The following GLCCI1 variants were observed in gnomAD, a reference collection of about 807,000 sequenced individuals.
GLCCI1 encodes glucocorticoid induced 1.
GLCCI1 carries 24 observed loss-of-function variants against 52.2 expected under a neutral mutation model. That is an observed-to-expected ratio of 0.46 (90% CI 0.33 to 0.65). GLCCI1 has a LOEUF of 0.65. Among genes scored for constraint, GLCCI1 ranks in the 30% least tolerant of loss-of-function variants. The probability of loss-of-function intolerance (pLI) is 0.02; values close to 1 mark genes in which losing one functional copy is unlikely to be tolerated. For missense variants in GLCCI1, 704 were observed against 701.5 expected (o/e 1.00, Z -0.04); for synonymous variants, 310 against 276.5 (o/e 1.12, Z -1.20).
intron 6 of GLCCI1, among the ~76,000 whole-genome samples, chr7:8,082,350 A>G (rs1229930560): frequency 6.6e-6 from 1 of 152,144 alleles, no homozygotes; most frequent in Non-Finnish European, 1.5e-5. Context: ...GAGTTCATGA[A>G]TGGCAATTCC....
At chr7:8,070,643 G>A (rs767025723) in intron 5 of GLCCI1, 15 of 268,642 alleles carry the variant, frequency 5.6e-5, no homozygotes, top group South Asian at 3.6e-4. Flanking sequence ...CAGGACTCCC[G>A]CTGTCCTTGA....
chr7:7,969,256 T>G lies in GLCCI1; in HGVS notation c.-95T>G. On this transcript the variant is annotated 5_prime_UTR_variant, in exon 1 of 8. Coordinates refer to ENST00000223145, the MANE Select transcript of GLCCI1 (RefSeq NM_138426.4). This position sits in a 1 kb window ranked among gnomAD's most constrained non-coding sequence, Gnocchi z 4.9. Reference sequence around the variant, plus strand: ...ACCCCCGCCCCTCCCCCTTACACACTCGCACGCACTATCGCGCCGGCTCCC... The same window carrying G: ...ACCCCCGCCCCTCCCCCTTACACACGCGCACGCACTATCGCGCCGGCTCCC... 1 of 608,686 alleles carries G rather than the reference T, an allele frequency of 1.6e-6. No homozygotes were observed. Among genetic ancestry groups the G allele is most frequent in the Non-Finnish European group, 2.1e-6 (1 of 477,720 alleles). The allele number at this position is 608,686 out of a possible 1,614,324, so 37.7% of individuals were successfully genotyped here. A position where few individuals can be genotyped will look rare whatever the true frequency, so the allele number is the denominator to read the frequency against.
chr7:8,036,172 G>A (rs1359254818), intron 3 of GLCCI1, among the ~76,000 whole-genome samples: 1 of 152,148 alleles, frequency 6.6e-6, no homozygotes, highest in African/African-American at 2.4e-5. Context: ...CACAGTTCTG[G>A]GGAATGAGAT....
At chr7:7,977,280 G>C (rs1780511284) in intron 1 of GLCCI1, among the ~76,000 whole-genome samples, 1 of 152,134 alleles carries the variant, frequency 6.6e-6, no homozygotes, top group East Asian at 1.9e-4. Context: ...GATTACTATA[G>C]ATGATATTGA....
intron 3 of GLCCI1, among the ~76,000 whole-genome samples, chr7:8,043,874 A>G (rs1782058870): frequency 6.6e-6 from 1 of 152,128 alleles, no homozygotes; most frequent in South Asian, 2.1e-4. Context: ...TAGGAAGAAT[A>G]GTTGTAATAG....
chr7:7,991,573 C>T (rs747130637), intron 1 of GLCCI1, among the ~76,000 whole-genome samples: 2 of 151,964 alleles, frequency 1.3e-5, no homozygotes, highest in Non-Finnish European at 2.9e-5. Context: ...TTTAGGGATG[C>T]TTTGTTCTTT....
chr7:8,018,711 T>C (rs1583976008), intron 2 of GLCCI1, among the ~76,000 whole-genome samples: 1 of 152,254 alleles, frequency 6.6e-6, no homozygotes, highest in Non-Finnish European at 1.5e-5. Flanking sequence ...TCCAACTACC[T>C]TTTTTGTTAA....
chr7:8,081,914 C>A (rs1783002535), intron 6 of GLCCI1, among the ~76,000 whole-genome samples: 1 of 152,058 alleles, frequency 6.6e-6, no homozygotes, highest in South Asian at 2.1e-4. Context: ...TAACTATATT[C>A]ACTGCATTTA....
chr7:8,006,360 A>G (rs898786676), intron 2 of GLCCI1, among the ~76,000 whole-genome samples: 2 of 152,282 alleles, frequency 1.3e-5, no homozygotes, highest in Middle Eastern at 3.4e-3. Flanking sequence ...AGACCCTACT[A>G]TTTGAGAGTT....
intron 2 of GLCCI1, among the ~76,000 whole-genome samples, chr7:8,014,206 G>C (rs1206899550): frequency 6.6e-6 from 1 of 152,066 alleles, no homozygotes; most frequent in Non-Finnish European, 1.5e-5. Context: ...GGTCAGGCTG[G>C]TCTCAAATTC....
At chr7:8,076,409 A>G (rs1035485435) in intron 6 of GLCCI1, among the ~76,000 whole-genome samples, 11 of 152,182 alleles carry the variant, frequency 7.2e-5, no homozygotes, top group African/African-American at 1.9e-4. Context: ...GAGTTAGTCT[A>G]TAGGTTAAAA....
chr7:8,020,660 T>TAAA (rs1466928568), intron 2 of GLCCI1, among the ~76,000 whole-genome samples: 18 of 152,200 alleles, frequency 1.2e-4, no homozygotes, highest in Non-Finnish European at 2.4e-4. Flanking sequence ...TTATAAATGT[T>TAAA]GATTTTGAAT....
At position 8,086,262 on chromosome 7, in the gene GLCCI1, C is replaced by T. The variant is rs750005746; in HGVS notation, c.1368C>T (p.Thr456=). The T allele has an allele frequency of 1.8e-5, 29 of 1,614,070 alleles. No individual in the cohort carries two copies. Among genetic ancestry groups the T allele is most frequent in the East Asian group, 1.3e-4 (6 of 44,900 alleles). Reference sequence around the variant, plus strand: ...AAAACAAGGTTAATTTCATCCCAACCGGATCAGCTTTCTGTCCTGTAAAAC... The same window carrying T: ...AAAACAAGGTTAATTTCATCCCAACTGGATCAGCTTTCTGTCCTGTAAAAC... ...PDKNKVNFIP[T]GSAFCPVKLL... The change falls in exon 8 of 8, where the codon ACC becomes ACT. Residue 456 remains threonine, a synonymous_variant. Transcript: ENST00000223145. This position sits in a 1 kb window ranked among gnomAD's most constrained non-coding sequence, Gnocchi z 4.4.
intron 1 of GLCCI1, among the ~76,000 whole-genome samples, chr7:7,977,854 A>G (rs1780526833): frequency 6.6e-6 from 1 of 152,222 alleles, no homozygotes. Context: ...AATTTGCCCA[A>G]GGTCAGGCAG....
Position 8,086,504 on chromosome 7 carries a change from A to C in GLCCI1, c.1610A>C (p.Asp537Ala). 6.2e-7 allele frequency: 1 copy of C among 1,613,242 alleles called. No homozygotes were observed. The highest frequency in any genetic ancestry group is 8.5e-7 in the Non-Finnish European group (1 of 1,179,670). The change falls in exon 8 of 8, where the codon GAC becomes GCC. Residue 537 changes from aspartate to alanine, a missense_variant. Coordinates refer to ENST00000223145, the MANE Select transcript of GLCCI1 (RefSeq NM_138426.4). The surrounding 1 kb of genome is among the most constrained non-coding windows in gnomAD (Gnocchi z 4.4). ...QQLLQELQGE[D>A]HISAQNYVII ...CTCCTGCAGGAACTGCAGGGTGAGG[A>C]CCACATCTCTGCTCAGAACTATGTG... is the stretch of plus-strand genomic sequence containing the variant.
At chr7:8,023,150 G>A (rs981359114) in intron 3 of GLCCI1, among the ~76,000 whole-genome samples, 3 of 152,092 alleles carry the variant, frequency 2.0e-5, no homozygotes, top group Non-Finnish European at 4.4e-5. Flanking sequence ...CGAGTAGCTG[G>A]GAGTACAGGC....
At chr7:8,071,180 T>G (rs1562450113) in intron 6 of GLCCI1, 49 bp downstream of exon 6, 1 of 1,425,474 alleles carries the variant, frequency 7.0e-7, no homozygotes, top group Non-Finnish European at 9.9e-7. Context: ...GCCTTGCTCA[T>G]TATACCTTGT....
At chr7:7,971,970 C>G (rs1280073026) in intron 1 of GLCCI1, among the ~76,000 whole-genome samples, 1 of 152,144 alleles carries the variant, frequency 6.6e-6, no homozygotes, top group Admixed American at 6.5e-5. Flanking sequence ...ATGCGGGCTT[C>G]TGTGCCCCCA....
In GLCCI1 at chr7:8,035,512, G is replaced by A. The variant is rs188414323; in HGVS notation, c.696+12943G>A. On this transcript the variant is annotated intron_variant, in intron 3 of 7. Transcript: ENST00000223145. ...TCCGCACTGATAATCTAAAAAATAA[G>A]AATTTATTCAAGCTGGGCCCAGGCT... Among the ~76,000 whole-genome samples, 643 of 152,256 alleles carry A rather than the reference G, an allele frequency of 4.2e-3. 9 individuals carry two copies. Among genetic ancestry groups the A allele is most frequent in the Non-Finnish European group, 2.0e-3 (139 of 68,006 alleles).
Sources: allele counts gnomAD v4.1 joint callset (sites outside exome capture counted in the v4.1 genomes callset), GRCh38; gene constraint gnomAD v4.1.1; non-coding constraint Gnocchi (gnomAD v3.1); transcripts MANE v1.5; gene names NCBI Gene and HGNC (gene_info 2026-07-23, HGNC 2026-07-21).